KSR2: variants seen among roughly 807,000 people sequenced by gnomAD.
The protein encoded by KSR2 is kinase suppressor of ras 2.
KSR2 carries 25 observed loss-of-function variants against 107.8 expected under a neutral mutation model. The observed-to-expected ratio is 0.23, with a 90% CI of 0.17 to 0.32. The LOEUF is 0.32. KSR2 is among the 10% of genes least tolerant of loss of function. The pLI is 1.00. For synonymous variants in KSR2, 480 were observed against 507.0 expected, an observed-to-expected ratio of 0.95 and a Z score of 0.71; for missense variants, 887 against 1,268.9, an observed-to-expected ratio of 0.70 and a Z score of 4.57.
At chr12:117,947,891 G>A (rs1484851752) in intron 1 of KSR2, among the ~76,000 whole-genome samples, 1 of 151,908 alleles carries the variant, frequency 6.6e-6, no homozygotes, top group East Asian at 1.9e-4. Flanking sequence ...TAAATGGAGA[G>A]ACATACCACG....
At chr12:117,881,138 G>A (rs773714542) in intron 1 of KSR2, among the ~76,000 whole-genome samples, 6 of 151,998 alleles carry the variant, frequency 3.9e-5, no homozygotes, top group East Asian at 1.9e-4. Context: ...GAGTTTCCCC[G>A]GAATAATTAA....
chr12:117,664,337 A>C (rs527670086), intron 5 of KSR2, among the ~76,000 whole-genome samples: 206 of 152,152 alleles, frequency 1.4e-3, no homozygotes, highest in Non-Finnish European at 2.5e-3. Context: ...ACGTGTCACC[A>C]CCCTTCACAG....
At chr12:117,760,697 G>A (rs1256231562) in intron 4 of KSR2, among the ~76,000 whole-genome samples, 1 of 152,194 alleles carries the variant, frequency 6.6e-6, no homozygotes, top group Non-Finnish European at 1.5e-5. Context: ...TCACACAAAA[G>A]CAGCCATAGG....
In KSR2 at chr12:117,855,565, C is replaced by CAG; in HGVS notation, c.334_335insCT (p.Gly112AlafsTer4). 6.2e-7 allele frequency: 1 copy of CAG among 1,613,948 alleles called. No individual in the cohort carries two copies. Among genetic ancestry groups the CAG allele is most frequent in the Non-Finnish European group, 8.5e-7 (1 of 1,179,880 alleles). Reference sequence around the variant, plus strand: ...CAAGAGGTCCTCCAGGCTCAGCTGGCCGGGGGAGATTTCCTAGAGGAGGGG... The same window carrying CAG: ...CAAGAGGTCCTCCAGGCTCAGCTGGCAGCGGGGGAGATTTCCTAGAGGAGGGG... On this transcript the variant is annotated frameshift_variant, in exon 3 of 20. Transcript: ENST00000339824. LOFTEE classifies it high-confidence loss of function.
intron 3 of KSR2, among the ~76,000 whole-genome samples, chr12:117,824,428 T>A (rs890453513): frequency 6.6e-6 from 1 of 152,168 alleles, no homozygotes; most frequent in Non-Finnish European, 1.5e-5. Context: ...GTTTCTAGCA[T>A]AAAGAAAAGA....
chr12:117,577,662 G>A (rs1215917222), intron 7 of KSR2, among the ~76,000 whole-genome samples: 1 of 152,170 alleles, frequency 6.6e-6, no homozygotes, highest in Admixed American at 6.5e-5. Context: ...AGTGGCAAGG[G>A]AGAATGAGAG....
intron 16 of KSR2, among the ~76,000 whole-genome samples, chr12:117,478,232 A>G (rs996107923): frequency 2.6e-5 from 4 of 152,166 alleles, no homozygotes; most frequent in Non-Finnish European, 5.9e-5. Flanking sequence ...CTGCTCCCTC[A>G]AACGCACTCA....
intron 5 of KSR2, among the ~76,000 whole-genome samples, chr12:117,603,720 T>A (rs1881080766): frequency 6.6e-6 from 1 of 152,292 alleles, no homozygotes; most frequent in South Asian, 2.1e-4. Context: ...CAAAACCAAC[T>A]GAACAGACTC....
At chr12:117,952,474 C>T (rs1273419535) in intron 1 of KSR2, among the ~76,000 whole-genome samples, 2 of 151,782 alleles carry the variant, frequency 1.3e-5, no homozygotes, top group African/African-American at 2.4e-5. Context: ...CATAGCAAAA[C>T]CCCGTCTCTA....
chr12:117,755,209 C>A (rs1420922774), intron 4 of KSR2, among the ~76,000 whole-genome samples: 2 of 152,140 alleles, frequency 1.3e-5, no homozygotes, highest in African/African-American at 4.8e-5. Context: ...GAGCCTCCAG[C>A]GGGGTAAAAA....
intron 1 of KSR2, among the ~76,000 whole-genome samples, chr12:117,876,739 CATAAT>C (rs995867627): frequency 3.4e-5 from 5 of 148,674 alleles, no homozygotes; most frequent in East Asian, 1.9e-4. Context: ...ATATATAATA[CATAAT>C]ATAATTTGAA....
At chr12:117,610,577 G>A (rs7310031) in intron 5 of KSR2, among the ~76,000 whole-genome samples, 3,100 of 151,842 alleles carry the variant, frequency 0.02, 110 homozygotes, top group African/African-American at 0.071. Flanking sequence ...GTGATATCTC[G>A]TCTCTACAAA....
intron 1 of KSR2, among the ~76,000 whole-genome samples, chr12:117,910,134 G>C (rs1187489537): frequency 6.6e-6 from 1 of 152,168 alleles, no homozygotes; most frequent in Non-Finnish European, 1.5e-5. Context: ...TGGAGGTTGA[G>C]GCAGGAGGAT....
At chr12:117,760,543 G>A (rs894308834) in intron 4 of KSR2, among the ~76,000 whole-genome samples, 5 of 152,140 alleles carry the variant, frequency 3.3e-5, no homozygotes, top group Non-Finnish European at 5.9e-5. Flanking sequence ...GTGACTACTA[G>A]AAAGTTGAAG....
rs147618470 is a variant in KSR2, at chr12:117,606,594, T to A, written c.1172-24235A>T. Among the ~76,000 whole-genome samples the A allele has an allele frequency of 2.3e-4, 2 of 8,858 alleles. 1 individual carries two copies. The highest frequency in any genetic ancestry group is 0.027 in the East Asian group (2 of 74). The allele number at this position is 8,858 out of a possible 152,430, so 5.8% of individuals were successfully genotyped here. ...CTTCCTCCCTTCCCTTCTTCCTTCC[T>A]TCTTTCCTCCTTCCTTCCTTCCTCC... On this transcript the variant is annotated intron_variant, in intron 5 of 19. Transcript: ENST00000339824.
At chr12:117,710,910 A>C (rs148197806) in intron 4 of KSR2, among the ~76,000 whole-genome samples, 1 of 152,094 alleles carries the variant, frequency 6.6e-6, no homozygotes, top group African/African-American at 2.4e-5. Flanking sequence ...ACCTTTGCAC[A>C]TGCCGTTCCC....
In KSR2 at chr12:117,462,731, G is replaced by A. The variant is rs944490051; in HGVS notation, c.*4468C>T. ...CACAGTGGAACAAGACCAGCCTGCA[G>A]GGGATGGATGGGTGAAGTGAAGGTA... On this transcript the variant is annotated 3_prime_UTR_variant, in exon 20 of 20. Coordinates refer to ENST00000339824, the MANE Select transcript of KSR2 (RefSeq NM_173598.6). 3.9e-5 allele frequency: 6 copies of A among 152,316 alleles called. No individual in the cohort carries two copies. Among genetic ancestry groups the A allele is most frequent in the African/African-American group, 9.6e-5 (4 of 41,458 alleles). The allele number at this position is 152,316 out of a possible 1,614,324, so 9.4% of individuals were successfully genotyped here. A position where few individuals can be genotyped will look rare whatever the true frequency, so the allele number is the denominator to read the frequency against.
chr12:117,522,353 C>T (rs1874808094), intron 14 of KSR2, among the ~76,000 whole-genome samples: 1 of 151,970 alleles, frequency 6.6e-6, no homozygotes, highest in African/African-American at 2.4e-5. Flanking sequence ...TGGTAAGGAA[C>T]TGACCAGACA....
At chr12:117,718,581 G>C (rs920269918) in intron 4 of KSR2, among the ~76,000 whole-genome samples, 5 of 152,140 alleles carry the variant, frequency 3.3e-5, no homozygotes, top group African/African-American at 1.2e-4. Flanking sequence ...GTGGCTCAGG[G>C]GCAGATGGGG....
Sources: gnomAD v4.1 joint callset for allele counts (sites outside exome capture counted in the v4.1 genomes callset) on GRCh38, gnomAD v4.1.1 for gene constraint, MANE v1.5 for transcripts, NCBI Gene and HGNC (gene_info 2026-07-23, HGNC 2026-07-21) for gene names.